Variants in DPYSL2 observed in about 807,000 individuals in gnomAD.
The protein encoded by DPYSL2 is dihydropyrimidinase-related protein 2.
DPYSL2 carries 13 observed loss-of-function variants against 69.9 expected under a neutral mutation model. The ratio of observed to expected loss-of-function variants is 0.19; its 90% confidence interval spans 0.12 to 0.30. DPYSL2 has a LOEUF of 0.30. Among genes scored for constraint, DPYSL2 ranks in the 10% least tolerant of loss-of-function variants. The pLI is 1.00. For synonymous variants in DPYSL2, 326 were observed against 359.1 expected, an observed-to-expected ratio of 0.91 and a Z score of 1.04; for missense variants, 587 against 918.9, an observed-to-expected ratio of 0.64 and a Z score of 4.67.
chr8:26,574,964 G>T (rs1462030723), intron 1 of DPYSL2, among the ~76,000 whole-genome samples: 2 of 152,004 alleles, frequency 1.3e-5, no homozygotes, highest in African/African-American at 4.8e-5. Flanking sequence ...ATGGAGTTTC[G>T]CTCTTGTTGC....
intron 1 of DPYSL2, among the ~76,000 whole-genome samples, chr8:26,573,583 G>A (rs1472184118): frequency 5.4e-5 from 8 of 148,946 alleles, no homozygotes; most frequent in African/African-American, 9.9e-5. Context: ...CAGGAGAATG[G>A]CATGAACCCA....
chr8:26,615,892 G>A (rs767202753), intron 3 of DPYSL2, among the ~76,000 whole-genome samples: 7 of 152,180 alleles, frequency 4.6e-5, no homozygotes, highest in Non-Finnish European at 8.8e-5. Flanking sequence ...AAGGCAGCAC[G>A]TGCTTTGGAG....
In DPYSL2 at chr8:26,597,847, T is replaced by C. The variant is rs1801900082; in HGVS notation, c.628+13864T>C. Among the ~76,000 whole-genome samples, 2 of 149,956 alleles carry C rather than the reference T, an allele frequency of 1.3e-5. No individual in the cohort carries two copies. The highest frequency in any genetic ancestry group is 3.0e-5 in the Non-Finnish European group (2 of 67,714). On this transcript the variant is annotated intron_variant, in intron 3 of 13. Coordinates refer to ENST00000521913, the MANE Select transcript of DPYSL2 (RefSeq NM_001197293.3). The surrounding 1 kb of genome is among the most constrained non-coding windows in gnomAD (Gnocchi z 5.2). Reference sequence around the variant, plus strand: ...AGACAATTTCTCAGAGTTGGAATTGTGTTCTGGGTATTGTTTTTCTCCTTT... The same window carrying C: ...AGACAATTTCTCAGAGTTGGAATTGCGTTCTGGGTATTGTTTTTCTCCTTT...
At position 26,560,819 on chromosome 8, in the gene DPYSL2, C is replaced by A. The variant is rs987481839; in HGVS notation, c.355-21150C>A. Among the ~76,000 whole-genome samples, 4 of 152,138 alleles carry A rather than the reference C, an allele frequency of 2.6e-5. No homozygotes were observed. Among genetic ancestry groups the A allele is most frequent in the African/African-American group, 9.7e-5 (4 of 41,412 alleles). ...AGTATGATCTATGTAAGTATAATCA[C>A]CAGCAGTTACAAAGTGCTGGTTCCA... is the stretch of plus-strand genomic sequence containing the variant. On this transcript the variant is annotated intron_variant, in intron 1 of 13. Coordinates refer to ENST00000521913, the MANE Select transcript of DPYSL2 (RefSeq NM_001197293.3). This position sits in a 1 kb window ranked among gnomAD's most constrained non-coding sequence, Gnocchi z 4.4.
At chr8:26,519,173 C>T (rs1488231424) in intron 1 of DPYSL2, among the ~76,000 whole-genome samples, 4 of 152,210 alleles carry the variant, frequency 2.6e-5, no homozygotes, top group Non-Finnish European at 5.9e-5. Flanking sequence ...CTGGTAAAGA[C>T]AGGCCACGTA....
At chr8:26,556,730 C>T (rs1439372992) in intron 1 of DPYSL2, among the ~76,000 whole-genome samples, 3 of 151,904 alleles carry the variant, frequency 2.0e-5, no homozygotes, top group African/African-American at 7.3e-5. Flanking sequence ...TGTTAGTAGA[C>T]ATCAACAAAC....
chr8:26,613,541 G>A (rs1394618721), intron 3 of DPYSL2, among the ~76,000 whole-genome samples: 1 of 152,234 alleles, frequency 6.6e-6, no homozygotes, highest in Non-Finnish European at 1.5e-5. Flanking sequence ...ATACCATGGG[G>A]TTTTTCCTGA....
intron 8 of DPYSL2, 76 bp downstream of exon 8, chr8:26,634,976 C>T: frequency 6.3e-7 from 1 of 1,581,102 alleles, no homozygotes; most frequent in Non-Finnish European, 8.6e-7. Context: ...CTAGGGAGGG[C>T]TCCTTTTCCA....
At chr8:26,633,885 C>T (rs1357368396) in intron 7 of DPYSL2, among the ~76,000 whole-genome samples, 2 of 152,236 alleles carry the variant, frequency 1.3e-5, no homozygotes, top group African/African-American at 4.8e-5. Context: ...ACACAGGGGG[C>T]CATTGGTGTA....
rs1803093164 is a variant in DPYSL2, at chr8:26,643,298, A to T, written c.1127-141A>T. The T allele has an allele frequency of 1.1e-6, 1 of 889,716 alleles. No individual in the cohort carries two copies. Among genetic ancestry groups the T allele is most frequent in the Admixed American group, 3.0e-5 (1 of 33,256 alleles). 55.1% of individuals were successfully genotyped at this position (889,716 alleles called of 1,614,324 possible). On this transcript the variant is annotated intron_variant, in intron 8 of 13. Transcript: ENST00000521913. This position sits in a 1 kb window ranked among gnomAD's most constrained non-coding sequence, Gnocchi z 6.5. ...AATTTCTCCAAGTCTCAGTTTCCTCATCTGCGAGATGAGCCTGATATTTCC... is the reference window on the plus strand; with the variant it reads ...AATTTCTCCAAGTCTCAGTTTCCTCTTCTGCGAGATGAGCCTGATATTTCC...
At chr8:26,527,285 C>T (rs561032430) in intron 1 of DPYSL2, among the ~76,000 whole-genome samples, 4 of 152,276 alleles carry the variant, frequency 2.6e-5, no homozygotes, top group Admixed American at 2.6e-4. Flanking sequence ...AAGTTATATT[C>T]TCTGGTATTT....
rs1350697209 is a variant in DPYSL2, at chr8:26,585,449, T to G, written c.628+1466T>G. On this transcript the variant is annotated intron_variant, in intron 3 of 13. Transcript: ENST00000521913. This position sits in a 1 kb window ranked among gnomAD's most constrained non-coding sequence, Gnocchi z 4.0. The stretch of plus-strand genomic sequence containing the variant: ...GCATCAGGAACAGCTCTCTCCTGTT[T>G]CAGCTTTCTTGGCACCACTGAGAAA... Among the ~76,000 whole-genome samples, 4 of 152,176 alleles carry G rather than the reference T, an allele frequency of 2.6e-5. No homozygotes were observed. The highest frequency in any genetic ancestry group is 5.9e-5 in the Non-Finnish European group (4 of 68,042).
rs1459292076 is a variant in DPYSL2 at position 26,657,240 on chromosome 8, A to C, written c.*1534A>C. 1.3e-5 allele frequency: 2 copies of C among 152,626 alleles called. No homozygotes were observed. Among genetic ancestry groups the C allele is most frequent in the Non-Finnish European group, 2.9e-5 (2 of 68,036 alleles). The allele number at this position is 152,626 out of a possible 1,614,324, so 9.5% of individuals were successfully genotyped here. ...GGAGGAAACCTTATAAATTAAACAC[A>C]TGGCCCCCTTAGAGACCACAGGTGA... On this transcript the variant is annotated 3_prime_UTR_variant, in exon 14 of 14. Transcript: ENST00000521913.
At chr8:26,596,581 A>G (rs1476085610) in intron 3 of DPYSL2, among the ~76,000 whole-genome samples, 2 of 152,230 alleles carry the variant, frequency 1.3e-5, no homozygotes, top group African/African-American at 4.8e-5. Context: ...GTTTGGAGGG[A>G]GCAGATAATT....
intron 3 of DPYSL2, among the ~76,000 whole-genome samples, chr8:26,584,760 C>T (rs770298812): frequency 1.3e-5 from 2 of 151,932 alleles, no homozygotes; most frequent in African/African-American, 4.8e-5. Flanking sequence ...GCCGGGACTA[C>T]AGGCATGCAC....
intron 1 of DPYSL2, among the ~76,000 whole-genome samples, chr8:26,522,520 C>T (rs1020802604): frequency 9.2e-5 from 14 of 152,218 alleles, no homozygotes; most frequent in Non-Finnish European, 1.9e-4. Flanking sequence ...TTGTTATTTT[C>T]CTCATTTTGG....
intron 3 of DPYSL2, among the ~76,000 whole-genome samples, chr8:26,613,574 T>C (rs1189496124): frequency 6.6e-6 from 1 of 152,166 alleles, no homozygotes; most frequent in Non-Finnish European, 1.5e-5. Context: ...TCCTGCTCCT[T>C]ATATCCATTG....
chr8:26,542,363 T>C (rs1022036521), intron 1 of DPYSL2, among the ~76,000 whole-genome samples: 3 of 152,160 alleles, frequency 2.0e-5, no homozygotes, highest in Admixed American at 6.5e-5. Flanking sequence ...AGTCATATGC[T>C]GTCTATAATA....
intron 3 of DPYSL2, among the ~76,000 whole-genome samples, chr8:26,622,462 GTGTGTGTGTGTATA>G (rs1445699941): frequency 3.5e-4 from 39 of 110,562 alleles, no homozygotes; most frequent in African/African-American, 1.0e-3. Flanking sequence ...GTGTGTGTGT[GTGTGTGTGTGTATA>G]TGTGTGTGTG....
Sources: allele counts gnomAD v4.1 joint callset (sites outside exome capture counted in the v4.1 genomes callset), GRCh38; gene constraint gnomAD v4.1.1; non-coding constraint Gnocchi (gnomAD v3.1); transcripts MANE v1.5; gene names NCBI Gene and HGNC (gene_info 2026-07-23, HGNC 2026-07-21).